INPP5E: variants seen among roughly 807,000 people sequenced by gnomAD.
The protein encoded by INPP5E is phosphatidylinositol polyphosphate 5-phosphatase type IV.
Under a neutral mutation model 50.5 loss-of-function variants are expected in INPP5E, and 34 were observed. The ratio of observed to expected loss-of-function variants is 0.67; its 90% CI spans 0.51 to 0.90. INPP5E has a LOEUF of 0.90. Ranked by LOEUF, INPP5E falls within the 40% of genes least tolerant of loss-of-function variation. The pLI is 0.00. For synonymous variants in INPP5E, 447 were observed against 406.0 expected (o/e 1.10, Z -1.21); for missense variants, 942 against 905.5 (o/e 1.04, Z -0.52).
intron 5 of INPP5E, 138 bp downstream of exon 5, chr9:136,432,818 A>T: frequency 8.3e-7 from 1 of 1,207,814 alleles, no homozygotes; most frequent in Non-Finnish European, 1.2e-6. Context: ...CGTGCATCTT[A>T]GCAAGCGTGG....
At position 136,434,024 on chromosome 9, in the gene INPP5E, G is replaced by A; in HGVS notation, c.1034+13C>T. ...CCCCTGGGCAGGCACTGCAGGGCCT[G>A]CAGCCGCCCTACCTGTCAGAACAGC... On this transcript the variant is annotated intron_variant, in intron 3 of 9. Transcript: ENST00000371712. 6.3e-7 allele frequency: 1 copy of A among 1,594,498 alleles called. No homozygotes were observed. Among genetic ancestry groups the A allele is most frequent in the Non-Finnish European group, 8.5e-7 (1 of 1,171,114 alleles).
rs1184705015 is a variant in INPP5E, at chr9:136,431,099, A to T, written c.1568T>A (p.Phe523Tyr). The change falls in exon 8 of 10, where the codon TTC becomes TAC. Residue 523 changes from phenylalanine to tyrosine, a missense_variant. Transcript: ENST00000371712. ...EMRKGSIFKG[F>Y]QEPDIHFLPS... ...GAGGAAGTGGATGTCCGGCTCCTGGAAGCCCTTGAAGATGGACCCTGCCAC... is the reference window on the plus strand; with the variant it reads ...GAGGAAGTGGATGTCCGGCTCCTGGTAGCCCTTGAAGATGGACCCTGCCAC... 1 of 1,612,520 alleles carries T rather than the reference A, an allele frequency of 6.2e-7. No homozygotes were observed. The highest frequency in any genetic ancestry group is 8.5e-7 in the Non-Finnish European group (1 of 1,179,410).
intron 1 of INPP5E, among the ~76,000 whole-genome samples, 162 bp from the exon 2 acceptor site, chr9:136,435,025 C>T (rs1414526915): frequency 6.6e-6 from 1 of 152,254 alleles, no homozygotes; most frequent in African/African-American, 2.4e-5. Flanking sequence ...TGTCTGCTCT[C>T]CAGGAACACA....
intron 6 of INPP5E, 115 bp from the exon 7 acceptor site, chr9:136,432,100 G>C: frequency 3.1e-6 from 4 of 1,289,188 alleles, no homozygotes; most frequent in Non-Finnish European, 4.4e-6. Context: ...GGCGCCAGCC[G>C]GTGGGGCCGG....
In INPP5E at chr9:136,430,860, C is replaced by T. The variant is rs75568636; in HGVS notation, c.1665+142G>A. On this transcript the variant is annotated intron_variant, in intron 8 of 9. Coordinates refer to ENST00000371712, the MANE Select transcript of INPP5E (RefSeq NM_019892.6). ...GGGCGCCGTTCTCCACCAAAGGGGA[C>T]TTGCCACAAGGCCAAGGTGCAGAGC... 1.5e-3 allele frequency: 1,042 copies of T among 696,526 alleles called. 5 individuals carry two copies. The African/African-American group carries it at 0.016, about 11-fold the overall frequency. The allele number at this position is 696,526 out of a possible 1,614,324, so 43.1% of individuals were successfully genotyped here. A position where few individuals can be genotyped will look rare whatever the true frequency, so the allele number is the denominator to read the frequency against.
rs780525765 is a variant in INPP5E, at chr9:136,432,960, G to A, written c.1275C>T (p.Phe425=). ...TGCGGGCACCAAGCAACTTACAGGTGAAGTGGGACGTGATGAAGAGGAAGG... is the reference window on the plus strand; with the variant it reads ...TGCGGGCACCAAGCAACTTACAGGTAAAGTGGGACGTGATGAAGAGGAAGG... ...GTSFLFITSH[F]TSGDGKVAER... The change falls in exon 5 of 10, where the codon TTC becomes TTT. Residue 425 remains phenylalanine (F), a synonymous_variant. Coordinates refer to ENST00000371712, the MANE Select transcript of INPP5E (RefSeq NM_019892.6). 6.2e-5 allele frequency: 100 copies of A among 1,612,884 alleles called. No homozygotes were observed. Among genetic ancestry groups the A allele is most frequent in the Middle Eastern group, 4.9e-4 (3 of 6,082 alleles).
At chr9:136,432,046 C>T (rs1835720135) in intron 6 of INPP5E, 61 bp from the exon 7 acceptor site, 2 of 1,602,486 alleles carry the variant, frequency 1.2e-6, no homozygotes, top group East Asian at 2.2e-5. Flanking sequence ...TTCCCCTTCC[C>T]CAGAACATGG....
intron 2 of INPP5E, among the ~76,000 whole-genome samples, chr9:136,434,433 C>A (rs1426138543): frequency 6.6e-6 from 1 of 152,208 alleles, no homozygotes; most frequent in Non-Finnish European, 1.5e-5. Flanking sequence ...CTGAGCCACC[C>A]CTACGCGTGC....
rs889233026 is a variant in INPP5E, at chr9:136,430,195, C to A, written c.1802+82G>T. ...GAACAAAGCCCCAAGTGGAACCCCA[C>A]GATGACAGGGACCCTCTTAGCTCAT... On this transcript the variant is annotated intron_variant, in intron 9 of 9. Transcript: ENST00000371712. 11 of 1,518,156 alleles carry A rather than the reference C, an allele frequency of 7.2e-6. No homozygotes were observed. The Middle Eastern group carries it at 5.5e-4, about 76-fold the overall frequency. The allele number at this position is 1,518,156 out of a possible 1,614,324, so 94.0% of individuals were successfully genotyped here.
Position 136,439,466 on chromosome 9 carries a change from G to C in INPP5E, c.-47C>G. 3 of 1,373,900 alleles carry C rather than the reference G, an allele frequency of 2.2e-6. No individual in the cohort carries two copies. In the South Asian group the frequency reaches 4.6e-5, roughly 21 times the overall value. 85.1% of individuals were successfully genotyped at this position (1,373,900 alleles called of 1,614,324 possible). Reference sequence around the variant, plus strand: ...GCCTCGGCGCGAGGCCGCAGGCAGCGCGAGGGGTCACGGGTGCCGGGTCCG... The same window carrying C: ...GCCTCGGCGCGAGGCCGCAGGCAGCCCGAGGGGTCACGGGTGCCGGGTCCG... On this transcript the variant is annotated 5_prime_UTR_variant, in exon 1 of 10. Transcript: ENST00000371712.
At chr9:136,438,314 T>G in intron 1 of INPP5E, 1 of 544,422 alleles carries the variant, frequency 1.8e-6, no homozygotes, top group Non-Finnish European at 3.3e-6. Context: ...TGACGACATT[T>G]CCCAAGACTA....
intron 3 of INPP5E, 110 bp downstream of exon 3, chr9:136,433,927 C>G: frequency 1.2e-6 from 1 of 855,870 alleles, no homozygotes; most frequent in Non-Finnish European, 1.9e-6. Context: ...TGGCAGCCCC[C>G]GGGCAGGCAC....
chr9:136,435,236 CT>C (rs1835804679), intron 1 of INPP5E, among the ~76,000 whole-genome samples: 1 of 152,212 alleles, frequency 6.6e-6, no homozygotes. Context: ...CTCCTTTCTC[CT>C]TTGGCCCCAG....
Position 136,431,854 on chromosome 9 carries a change from G to A in INPP5E, c.1519C>T (p.His507Tyr). Residue 507 changes from histidine (H) to tyrosine (Y), a missense_variant, in exon 7 of 10, where the codon CAC becomes TAC. Physicochemically the swap from His to Tyr is moderately conservative, Grantham distance 83. Transcript: ENST00000371712. Reference sequence around the variant, plus strand: ...CGCATCTCCCGGATGAGCTGGTCGTGCTGCAGCAGCGCCGGCACGTCCACC... The same window carrying A: ...CGCATCTCCCGGATGAGCTGGTCGTACTGCAGCAGCGCCGGCACGTCCACC... ...LVVDVPALLQ[H>Y]DQLIREMRKG... 1 of 1,606,592 alleles carries A rather than the reference G, an allele frequency of 6.2e-7. No individual in the cohort carries two copies. Among genetic ancestry groups the A allele is most frequent in the Non-Finnish European group, 8.5e-7 (1 of 1,178,132 alleles).
Position 136,430,371 on chromosome 9 carries a change from G to A in INPP5E, c.1708C>T (p.Pro570Ser). 2 of 1,556,814 alleles carry A rather than the reference G, an allele frequency of 1.3e-6. No individual in the cohort carries two copies. Among genetic ancestry groups the A allele is most frequent in the South Asian group, 1.2e-5 (1 of 84,430 alleles). ...YRSRHKGDIC[P>S]VSYSSCPGIK... ...CCGGGGCAGGAAGAGTAGCTCACAG[G>A]ACAGATGTCACCCTTGTGGCGGCTT... The change falls in exon 9 of 10, where the codon CCT becomes TCT. Residue 570 changes from proline (P) to serine (S), a missense_variant. Transcript: ENST00000371712.
chr9:136,429,735 C>T lies in INPP5E; in HGVS notation c.1875G>A (p.Glu625=), dbSNP rs148539728. 333 of 1,614,022 alleles carry T rather than the reference C, an allele frequency of 2.1e-4. No individual in the cohort carries two copies. In the African/African-American group the frequency reaches 4.0e-3, roughly 19 times the overall value. The change falls in exon 10 of 10, where the codon GAG becomes GAA. Residue 625 remains glutamate (E), a synonymous_variant. Coordinates refer to ENST00000371712, the MANE Select transcript of INPP5E (RefSeq NM_019892.6). Reference sequence around the variant, plus strand: ...TCTGTAGTGCTTGCTGCCTCTGAATCTCCTTCGAAATCCGTCTTTTAATTC... The same window carrying T: ...TCTGTAGTGCTTGCTGCCTCTGAATTTCCTTCGAAATCCGTCTTTTAATTC... ...LLGIKRRISK[E]IQRQQALQSQ...
Position 136,438,845 on chromosome 9 carries a change from C to G in INPP5E, c.575G>C (p.Arg192Pro). The G allele has an allele frequency of 6.2e-7, 1 of 1,606,532 alleles. No homozygotes were observed. ...SPRLPSLLPP[R>P]PPPALSLDIA... ...GTCCAGGCTCAGGGCAGGCGGTGGGCGCGGGGGCAGCAGGCTGGGCAGCCT... is the reference window on the plus strand; with the variant it reads ...GTCCAGGCTCAGGGCAGGCGGTGGGGGCGGGGGCAGCAGGCTGGGCAGCCT... Residue 192 changes from arginine (R) to proline (P), a missense_variant, in exon 1 of 10, where the codon CGC becomes CCC. Transcript: ENST00000371712.
intron 3 of INPP5E, 87 bp downstream of exon 3, chr9:136,433,950 C>T: frequency 9.3e-7 from 1 of 1,077,566 alleles, no homozygotes; most frequent in Non-Finnish European, 1.4e-6. Context: ...CAGACCCGTG[C>T]CCAGCCATGA....
intron 5 of INPP5E, 82 bp downstream of exon 5, chr9:136,432,874 A>ACCC: frequency 1.3e-6 from 2 of 1,536,438 alleles, no homozygotes; most frequent in Non-Finnish European, 1.8e-6. Flanking sequence ...AGCGGTCAGG[A>ACCC]CCCCTGCCTT....
Sources: allele counts gnomAD v4.1 joint callset (sites outside exome capture counted in the v4.1 genomes callset), GRCh38; gene constraint gnomAD v4.1.1; transcripts MANE v1.5; gene names NCBI Gene and HGNC (gene_info 2026-07-23, HGNC 2026-07-21).